The following LDB2 variants were observed in gnomAD, a reference collection of about 807,000 sequenced individuals.
LDB2 encodes LIM domain-binding protein 2.
Under a neutral mutation model 44.3 loss-of-function variants are expected in LDB2, and 12 were observed. That is an observed-to-expected ratio of 0.27 (90% confidence interval 0.17 to 0.44). The LOEUF is 0.44. LDB2 is among the 20% of genes least tolerant of loss of function. The pLI, the probability that LDB2 is intolerant of heterozygous loss-of-function variation, is 1.00. For synonymous variants in LDB2, 164 were observed against 174.8 expected (o/e 0.94, Z 0.49); for missense variants, 344 against 473.5 (o/e 0.73, Z 2.54).
At chr4:16,654,942 TC>T (rs905484026) in intron 2 of LDB2, among the ~76,000 whole-genome samples, 8 of 152,020 alleles carry the variant, frequency 5.3e-5, no homozygotes, top group African/African-American at 1.4e-4. Context: ...TGAAAGCTCT[TC>T]CCTAATGTCC....
intron 5 of LDB2, among the ~76,000 whole-genome samples, chr4:16,581,689 A>G (rs530191222): frequency 2.0e-5 from 3 of 152,178 alleles, no homozygotes; most frequent in South Asian, 2.1e-4. Flanking sequence ...CATCTTCTCT[A>G]TGAAGACTTT....
intron 1 of LDB2, among the ~76,000 whole-genome samples, chr4:16,819,074 C>T (rs942834392): frequency 4.1e-5 from 6 of 144,778 alleles, no homozygotes; most frequent in South Asian, 2.3e-4. Flanking sequence ...GTGAATCTTT[C>T]GTTTCAGTTG....
chr4:16,602,451 G>A (rs557363408), intron 2 of LDB2, among the ~76,000 whole-genome samples: 1 of 152,156 alleles, frequency 6.6e-6, no homozygotes, highest in Admixed American at 6.5e-5. Context: ...TGGTAGGAGG[G>A]TGGTCAAAGA....
At chr4:16,611,684 C>T (rs1725675605) in intron 2 of LDB2, among the ~76,000 whole-genome samples, 1 of 152,118 alleles carries the variant, frequency 6.6e-6, no homozygotes, top group Non-Finnish European at 1.5e-5. Context: ...TATATATGCA[C>T]CCAATACAGG....
chr4:16,724,455 C>T (rs945183524), intron 2 of LDB2, among the ~76,000 whole-genome samples: 7 of 151,690 alleles, frequency 4.6e-5, no homozygotes, highest in African/African-American at 1.7e-4. Flanking sequence ...CTGTCTCGTT[C>T]ACCTGTGCCT....
In LDB2 at chr4:16,549,006, T is replaced by C. The variant is rs182012175; in HGVS notation, c.616-36902A>G. Among the ~76,000 whole-genome samples the C allele has an allele frequency of 2.8e-3, 421 of 152,306 alleles. 1 individual carries two copies. Among genetic ancestry groups the C allele is most frequent in the Non-Finnish European group, 3.4e-3 (228 of 68,032 alleles). On this transcript the variant is annotated intron_variant, in intron 5 of 7. Transcript: ENST00000304523. ...TGGCGTCTTATATGATTAGGAGGTA[T>C]TGGAGTACAAAGAAAGATTTTATGC... is the stretch of plus-strand genomic sequence containing the variant.
In LDB2 at chr4:16,572,283, G is replaced by A. The variant is rs1313657731; in HGVS notation, c.615+13639C>T. On this transcript the variant is annotated intron_variant, in intron 5 of 7. Transcript: ENST00000304523. ...CAATTGGGAAGACTGTTTCCTGGGAGCAACAGATCTGAGCTCCATCTGCAC... is the reference window on the plus strand; with the variant it reads ...CAATTGGGAAGACTGTTTCCTGGGAACAACAGATCTGAGCTCCATCTGCAC... Among the ~76,000 whole-genome samples the A allele has an allele frequency of 3.3e-5, 5 of 152,094 alleles. No individual in the cohort carries two copies. In the East Asian group the frequency reaches 7.7e-4, roughly 23 times the overall value.
intron 2 of LDB2, among the ~76,000 whole-genome samples, chr4:16,732,535 C>A (rs529047875): frequency 6.6e-6 from 1 of 152,158 alleles, no homozygotes; most frequent in African/African-American, 2.4e-5. Flanking sequence ...TCATTAATAA[C>A]CCTGATTATT....
At chr4:16,722,635 C>T (rs974887251) in intron 2 of LDB2, among the ~76,000 whole-genome samples, 3 of 152,094 alleles carry the variant, frequency 2.0e-5, no homozygotes, top group South Asian at 2.1e-4. Flanking sequence ...ATTCTTCTCT[C>T]GGCACTCACC....
At chr4:16,618,383 A>G (rs1727941696) in intron 2 of LDB2, among the ~76,000 whole-genome samples, 1 of 152,142 alleles carries the variant, frequency 6.6e-6, no homozygotes, top group Admixed American at 6.6e-5. Flanking sequence ...CAGACACCCT[A>G]TCTGCCTTGT....
chr4:16,800,315 G>T (rs1179424386), intron 1 of LDB2, among the ~76,000 whole-genome samples: 1 of 152,060 alleles, frequency 6.6e-6, no homozygotes, highest in Non-Finnish European at 1.5e-5. Context: ...TATTTGTATC[G>T]AGTTGATTAT....
intron 5 of LDB2, among the ~76,000 whole-genome samples, chr4:16,534,531 A>C (rs1243500099): frequency 2.6e-5 from 4 of 152,202 alleles, no homozygotes; most frequent in Non-Finnish European, 4.4e-5. Context: ...GAAAAAATGT[A>C]TTGGAACACA....
chr4:16,732,422 C>T (rs549401980), intron 2 of LDB2, among the ~76,000 whole-genome samples: 3 of 152,314 alleles, frequency 2.0e-5, no homozygotes, highest in East Asian at 3.9e-4. Context: ...GCTTCACTTT[C>T]GGAGCCCAAG....
chr4:16,756,505 G>A (rs973109408), intron 2 of LDB2, among the ~76,000 whole-genome samples: 2 of 152,130 alleles, frequency 1.3e-5, no homozygotes, highest in Non-Finnish European at 2.9e-5. Flanking sequence ...GAGTACGCCA[G>A]TGGACCACTG....
chr4:16,537,326 G>T (rs1732199945), intron 5 of LDB2, among the ~76,000 whole-genome samples: 1 of 152,182 alleles, frequency 6.6e-6, no homozygotes, highest in Non-Finnish European at 1.5e-5. Context: ...AAATGTGAAG[G>T]TTTCCTTAGT....
chr4:16,588,761 A>G lies in LDB2; in HGVS notation c.480T>C (p.Phe160=), dbSNP rs113993338. The G allele has an allele frequency of 1.2e-6, 2 of 1,613,960 alleles. No homozygotes were observed. ...DDLMRIKTWH[F]TIRQYRELVP... Reference sequence around the variant, plus strand: ...CTAACTCTCGGTATTGTCTAATGGTAAAGTGCCATGTTTTGATTCTCATGA... The same window carrying G: ...CTAACTCTCGGTATTGTCTAATGGTGAAGTGCCATGTTTTGATTCTCATGA... The change falls in exon 4 of 8, where the codon TTT becomes TTC. Residue 160 remains phenylalanine (F), a synonymous_variant. Coordinates refer to ENST00000304523, the MANE Select transcript of LDB2 (RefSeq NM_001290.5).
intron 2 of LDB2, among the ~76,000 whole-genome samples, chr4:16,691,484 G>T (rs1003500652): frequency 1.3e-5 from 2 of 152,192 alleles, no homozygotes; most frequent in African/African-American, 4.8e-5. Flanking sequence ...TCATTAAGTA[G>T]AGGTAAAGAA....
intron 1 of LDB2, among the ~76,000 whole-genome samples, chr4:16,870,606 A>G (rs1716255475): frequency 6.6e-6 from 1 of 151,090 alleles, no homozygotes; most frequent in Admixed American, 6.6e-5. Context: ...CATACCCACA[A>G]CACTCACTTC....
chr4:16,847,510 GA>G (rs1787269869), intron 1 of LDB2, among the ~76,000 whole-genome samples: 1 of 152,226 alleles, frequency 6.6e-6, no homozygotes, highest in South Asian at 2.1e-4. Flanking sequence ...ACAATCGTTA[GA>G]AACACCTAAA....
Sources: allele counts gnomAD v4.1 joint callset (sites outside exome capture counted in the v4.1 genomes callset), GRCh38; gene constraint gnomAD v4.1.1; transcripts MANE v1.5; gene names NCBI Gene and HGNC (gene_info 2026-07-23, HGNC 2026-07-21).